Variants in TEX22 observed in about 807,000 individuals in gnomAD.
The protein encoded by TEX22 is testis expressed 22, also known as testis-expressed protein 22.
In TEX22, 16 loss-of-function variants were observed where a neutral mutation model predicts 11.3. The observed-to-expected ratio is 1.42, with a 90% CI of 0.96 to 2.15. The LOEUF (loss-of-function observed/expected upper bound fraction) is 2.15, where lower values mean the gene tolerates loss of function less well. Among genes scored for constraint, TEX22 ranks in the 30% most tolerant of loss-of-function variants. The pLI, the probability that TEX22 is intolerant of heterozygous loss-of-function variation, is 0.00. For missense variants in TEX22, 220 were observed against 208.6 expected, an observed-to-expected ratio of 1.05 and a Z score of -0.34; for synonymous variants, 97 against 92.3, an observed-to-expected ratio of 1.05 and a Z score of -0.29.
chr14:105,411,069 C>G (rs111398042), intron 2 of TEX22, among the ~76,000 whole-genome samples: 1 of 152,214 alleles, frequency 6.6e-6, no homozygotes, highest in Non-Finnish European at 1.5e-5. Context: ...GTTCTCCTGC[C>G]GGTCAAGCCG....
At chr14:105,411,578 G>A (rs1466591667) in intron 3 of TEX22, 82 bp downstream of exon 3, 1 of 1,120,058 alleles carries the variant, frequency 8.9e-7, no homozygotes, top group African/African-American at 2.1e-5. Context: ...CAGTCCCACT[G>A]GGCCCTTTAC....
At chr14:105,404,549 T>C (rs2081649364) in intron 2 of TEX22, among the ~76,000 whole-genome samples, 1 of 152,166 alleles carries the variant, frequency 6.6e-6, no homozygotes, top group Admixed American at 6.6e-5. Flanking sequence ...CTGAGAAGCA[T>C]AATAGTGAAA....
intron 2 of TEX22, among the ~76,000 whole-genome samples, chr14:105,401,047 T>G (rs1264531892): frequency 2.0e-5 from 3 of 152,192 alleles, no homozygotes; most frequent in Admixed American, 2.0e-4. Context: ...TGAAAAATCC[T>G]GAGTAAGTAC....
intron 2 of TEX22, among the ~76,000 whole-genome samples, chr14:105,401,483 C>T (rs1364624021): frequency 6.8e-6 from 1 of 146,704 alleles, no homozygotes; most frequent in Admixed American, 7.1e-5. Flanking sequence ...ATCGCAAGGA[C>T]AAAAAACCAG....
Position 105,411,447 on chromosome 14 carries a change from T to C in TEX22, c.230T>C (p.Leu77Pro). 1 of 1,239,528 alleles carries C rather than the reference T, an allele frequency of 8.1e-7. No individual in the cohort carries two copies. Among genetic ancestry groups the C allele is most frequent in the Non-Finnish European group, 1.0e-6 (1 of 995,772 alleles). The allele number at this position is 1,239,528 out of a possible 1,614,324, so 76.8% of individuals were successfully genotyped here. The change falls in exon 3 of 4, where the codon CTG (leucine) becomes CCG (proline). Residue 77 changes from leucine (L) to proline (P), a missense_variant. Physicochemically the swap from Leu to Pro is moderately conservative, Grantham distance 98. Transcript: ENST00000451127. ...GACGAGCGCCGGCGGCTGGCCACGC[T>C]GGGCGGCCGGGAGAGGCCGGGCGCC... The part of the protein sequence containing the change: ...SIDERRRLAT[L>P]GGRERPGAAG...
intron 2 of TEX22, among the ~76,000 whole-genome samples, chr14:105,405,022 G>C (rs1401829336): frequency 2.6e-5 from 4 of 152,160 alleles, no homozygotes; most frequent in Non-Finnish European, 4.4e-5. Context: ...GAGGAGGGGG[G>C]TGGGCCATGG....
intron 2 of TEX22, among the ~76,000 whole-genome samples, chr14:105,402,495 C>T (rs1283697452): frequency 6.6e-6 from 1 of 152,058 alleles, no homozygotes; most frequent in Non-Finnish European, 1.5e-5. Flanking sequence ...TGGCTCACGC[C>T]TGTAATCCCA....
chr14:105,404,207 C>G (rs1466454912), intron 2 of TEX22, among the ~76,000 whole-genome samples: 1 of 152,160 alleles, frequency 6.6e-6, no homozygotes, highest in African/African-American at 2.4e-5. Flanking sequence ...ACTGGCGAGT[C>G]CATGATAGGG....
chr14:105,399,295 C>T lies in TEX22; in HGVS notation c.-39-7C>T. 7.6e-7 allele frequency: 1 copy of T among 1,315,254 alleles called. No individual in the cohort carries two copies. Among genetic ancestry groups the T allele is most frequent in the Non-Finnish European group, 1.0e-6 (1 of 974,252 alleles). 81.5% of individuals were successfully genotyped at this position (1,315,254 alleles called of 1,614,324 possible). Reference sequence around the variant, plus strand: ...CCCGCCCCACCTCCCCCTGCTCCTACCCCCAGATCTCAGAGGTGTGGACAA... The same window carrying T: ...CCCGCCCCACCTCCCCCTGCTCCTATCCCCAGATCTCAGAGGTGTGGACAA... On this transcript the variant is annotated splice_polypyrimidine_tract_variant and splice_region_variant and intron_variant, in intron 1 of 3. Coordinates refer to ENST00000451127, the MANE Select transcript of TEX22 (RefSeq NM_001195082.2).
chr14:105,402,984 G>C (rs981231273), intron 2 of TEX22, among the ~76,000 whole-genome samples: 1 of 152,140 alleles, frequency 6.6e-6, no homozygotes, highest in East Asian at 1.9e-4. Flanking sequence ...GACCCCAAGA[G>C]AGGGTTTTTG....
chr14:105,410,404 A>C (rs1460862302), intron 2 of TEX22, among the ~76,000 whole-genome samples: 2 of 152,164 alleles, frequency 1.3e-5, no homozygotes, highest in African/African-American at 4.8e-5. Flanking sequence ...AGGCTTAATA[A>C]TATTCCATTT....
chr14:105,402,364 C>T (rs587674480), intron 2 of TEX22, among the ~76,000 whole-genome samples: 1 of 152,176 alleles, frequency 6.6e-6, no homozygotes, highest in African/African-American at 2.4e-5. Context: ...ATGTGATCAC[C>T]ATTCACAACT....
At chr14:105,408,068 A>T (rs1340467818) in intron 2 of TEX22, among the ~76,000 whole-genome samples, 1 of 152,030 alleles carries the variant, frequency 6.6e-6, no homozygotes, top group Non-Finnish European at 1.5e-5. Flanking sequence ...TGTCTGTTGG[A>T]TTACTCATTA....
intron 2 of TEX22, among the ~76,000 whole-genome samples, chr14:105,402,164 C>G (rs1055253484): frequency 6.6e-6 from 1 of 152,038 alleles, no homozygotes. Context: ...CCAGCCTGGG[C>G]GACAGAGGGA....
At chr14:105,411,577 T>A in intron 3 of TEX22, 81 bp downstream of exon 3, 1 of 1,078,870 alleles carries the variant, frequency 9.3e-7, no homozygotes, top group Non-Finnish European at 1.1e-6. Context: ...TCAGTCCCAC[T>A]GGGCCCTTTA....
chr14:105,410,596 C>T (rs1237215228), intron 2 of TEX22, among the ~76,000 whole-genome samples: 1 of 152,182 alleles, frequency 6.6e-6, no homozygotes, highest in African/African-American at 2.4e-5. Context: ...CCATGCAATT[C>T]TGATTTTAAT....
rs181909207 is a variant in TEX22 at position 105,408,795 on chromosome 14, C to A, written c.151-2573C>A. ...CACCGCAGAGACGAAGGGTGTAGCG[C>A]CCCTTCCCCATCCTCCCACCAGCAT... On this transcript the variant is annotated intron_variant, in intron 2 of 3. Transcript: ENST00000451127. Among the ~76,000 whole-genome samples the A allele has an allele frequency of 7.5e-4, 114 of 152,216 alleles. 3 individuals are homozygous for A. Among genetic ancestry groups the A allele is most frequent in the African/African-American group, 2.5e-3 (104 of 41,518 alleles).
rs2081697184 is a variant in TEX22 at position 105,412,076 on chromosome 14, C to T, written c.*243C>T. 2 of 372,376 alleles carry T rather than the reference C, an allele frequency of 5.4e-6. No homozygotes were observed. Among genetic ancestry groups the T allele is most frequent in the Non-Finnish European group, 9.6e-6 (2 of 208,800 alleles). The allele number at this position is 372,376 out of a possible 1,614,324, so 23.1% of individuals were successfully genotyped here. A position where few individuals can be genotyped will look rare whatever the true frequency, so the allele number is the denominator to read the frequency against. On this transcript the variant is annotated 3_prime_UTR_variant, in exon 4 of 4. Transcript: ENST00000451127. This position sits in a 1 kb window ranked among gnomAD's most constrained non-coding sequence, Gnocchi z 5.8. The stretch of plus-strand genomic sequence containing the variant: ...CTGCCCCGGGTCAGTCTGAGAGGGC[C>T]CTGGCAAGGCCTGGGTAGCAGGAGC...
intron 2 of TEX22, among the ~76,000 whole-genome samples, chr14:105,403,005 A>G (rs1204992870): frequency 6.6e-6 from 1 of 152,160 alleles, no homozygotes; most frequent in African/African-American, 2.4e-5. Context: ...GATCTCATGC[A>G]GGAAGGAGTT....
Sources: allele counts gnomAD v4.1 joint callset (sites outside exome capture counted in the v4.1 genomes callset), GRCh38; gene constraint gnomAD v4.1.1; non-coding constraint Gnocchi (gnomAD v3.1); transcripts MANE v1.5; gene names NCBI Gene and HGNC (gene_info 2026-07-23, HGNC 2026-07-21).